Variants in TSPAN18 observed in about 807,000 individuals in gnomAD.
TSPAN18 encodes tetraspanin 18.
A neutral mutation model predicts 27.3 loss-of-function variants in TSPAN18; 14 were observed. The observed-to-expected ratio is 0.51, with a 90% confidence interval of 0.34 to 0.80. TSPAN18 has a LOEUF of 0.80. Among genes scored for constraint, TSPAN18 ranks in the 30% least tolerant of loss-of-function variants. The probability of loss-of-function intolerance (pLI) is 0.01; values close to 1 mark genes in which losing one functional copy is unlikely to be tolerated. For missense variants in TSPAN18, 268 were observed against 323.9 expected, an observed-to-expected ratio of 0.83 and a Z score of 1.32; for synonymous variants, 143 against 136.5, an observed-to-expected ratio of 1.05 and a Z score of -0.33.
At chr11:44,829,186 G>A (rs902491403) in intron 2 of TSPAN18, among the ~76,000 whole-genome samples, 9 of 152,212 alleles carry the variant, frequency 5.9e-5, no homozygotes, top group South Asian at 2.1e-4. Context: ...AATACATTGC[G>A]ATTAACTAAA....
intron 2 of TSPAN18, among the ~76,000 whole-genome samples, chr11:44,815,579 T>C (rs1856803801): frequency 6.6e-6 from 1 of 152,158 alleles, no homozygotes; most frequent in South Asian, 2.1e-4. Context: ...AACAATTATG[T>C]ATTGAGCACC....
intron 2 of TSPAN18, among the ~76,000 whole-genome samples, chr11:44,808,572 A>G (rs1415946047): frequency 6.6e-6 from 1 of 152,166 alleles, no homozygotes; most frequent in Non-Finnish European, 1.5e-5. Flanking sequence ...ATGTACAAAT[A>G]CATCCTCCAG....
intron 1 of TSPAN18, among the ~76,000 whole-genome samples, chr11:44,758,279 A>G (rs1855377242): frequency 6.6e-6 from 1 of 152,174 alleles, no homozygotes; most frequent in African/African-American, 2.4e-5. Flanking sequence ...TGAATTTGTC[A>G]AATGCTTTAT....
At chr11:44,858,687 TGGG>T (rs1480629458) in intron 2 of TSPAN18, among the ~76,000 whole-genome samples, 1 of 152,042 alleles carries the variant, frequency 6.6e-6, no homozygotes, top group Non-Finnish European at 1.5e-5. Flanking sequence ...GGGAGATAGA[TGGG>T]GGCCAAGGGG....
chr11:44,748,271 G>A (rs926581673), intron 1 of TSPAN18, among the ~76,000 whole-genome samples: 4 of 152,018 alleles, frequency 2.6e-5, no homozygotes, highest in African/African-American at 7.3e-5. Context: ...AGCTGGGCAC[G>A]CCTGTAATCC....
rs1384038010 is a variant in TSPAN18 at position 44,930,309 on chromosome 11, T to G, written c.*1131T>G. The G allele has an allele frequency of 1.3e-5, 2 of 153,212 alleles. No homozygotes were observed. Among genetic ancestry groups the G allele is most frequent in the Non-Finnish European group, 2.9e-5 (2 of 68,850 alleles). The allele number at this position is 153,212 out of a possible 1,614,324, so 9.5% of individuals were successfully genotyped here. On this transcript the variant is annotated 3_prime_UTR_variant, in exon 10 of 10. Transcript: ENST00000520358. ...CTCCAGGGACAGAGAGCTTACTACC[T>G]CCCAAGGCAGCCTCCTGCCTTTGGA...
At chr11:44,742,350 CTCCT>C (rs1245358989) in intron 1 of TSPAN18, among the ~76,000 whole-genome samples, 7 of 143,454 alleles carry the variant, frequency 4.9e-5, no homozygotes, top group Non-Finnish European at 9.4e-5. Flanking sequence ...TCCTCCCTCC[CTCCT>C]TCCTTCCTTA....
intron 2 of TSPAN18, among the ~76,000 whole-genome samples, chr11:44,848,586 G>A (rs1857532394): frequency 6.6e-6 from 1 of 152,224 alleles, no homozygotes. Context: ...CAGGAATTGG[G>A]AGTGAGGAGG....
rs1300079731 is a variant in TSPAN18, at chr11:44,857,065, G to A, written c.-152-3263G>A. Among the ~76,000 whole-genome samples the A allele has an allele frequency of 2.0e-5, 3 of 152,276 alleles. No homozygotes were observed. In the East Asian group the frequency reaches 5.8e-4, roughly 29 times the overall value. On this transcript the variant is annotated intron_variant, in intron 2 of 9. Coordinates refer to ENST00000520358, the MANE Select transcript of TSPAN18 (RefSeq NM_130783.5). ...GAAGAAAACGAGATACCCAGGGGCTGCACAACACTCTGTTTTTGAGCCTGA... is the reference window on the plus strand; with the variant it reads ...GAAGAAAACGAGATACCCAGGGGCTACACAACACTCTGTTTTTGAGCCTGA...
chr11:44,780,041 A>T (rs1386827728), intron 2 of TSPAN18, among the ~76,000 whole-genome samples: 2 of 152,150 alleles, frequency 1.3e-5, no homozygotes, highest in Non-Finnish European at 2.9e-5. Flanking sequence ...ACCTGTACAC[A>T]TTTACACATG....
intron 2 of TSPAN18, among the ~76,000 whole-genome samples, chr11:44,771,973 A>G (rs1443581652): frequency 1.3e-5 from 2 of 152,198 alleles, no homozygotes; most frequent in East Asian, 1.9e-4. Context: ...TGAGATCAGC[A>G]CTTTAAGTTT....
At chr11:44,731,728 C>T (rs1261472645) in intron 1 of TSPAN18, among the ~76,000 whole-genome samples, 4 of 151,830 alleles carry the variant, frequency 2.6e-5, no homozygotes, top group Non-Finnish European at 5.9e-5. Context: ...TTCTCTGCCT[C>T]ATTGAGGGAC....
intron 1 of TSPAN18, among the ~76,000 whole-genome samples, chr11:44,738,356 T>C (rs893416888): frequency 6.6e-6 from 1 of 152,198 alleles, no homozygotes; most frequent in Admixed American, 6.5e-5. Context: ...GGAGCCCACC[T>C]GGCTGGAGCC....
At chr11:44,846,641 C>G (rs962038908) in intron 2 of TSPAN18, among the ~76,000 whole-genome samples, 88 of 149,568 alleles carry the variant, frequency 5.9e-4, no homozygotes, top group African/African-American at 2.1e-3. Context: ...TCTGTGTGCA[C>G]CTGTGCTGGG....
At chr11:44,737,546 T>C (rs1457452471) in intron 1 of TSPAN18, among the ~76,000 whole-genome samples, 1 of 152,220 alleles carries the variant, frequency 6.6e-6, no homozygotes, top group African/African-American at 2.4e-5. Context: ...ATTCAATTTA[T>C]AGGCAAGTTA....
chr11:44,864,299 A>C (rs989526072), intron 3 of TSPAN18, among the ~76,000 whole-genome samples: 1 of 150,958 alleles, frequency 6.6e-6, no homozygotes, highest in South Asian at 2.1e-4. Context: ...AAAAAAAAAA[A>C]AAAAAAACTT....
At chr11:44,849,213 G>A (rs1166929988) in intron 2 of TSPAN18, among the ~76,000 whole-genome samples, 1 of 152,090 alleles carries the variant, frequency 6.6e-6, no homozygotes, top group Non-Finnish European at 1.5e-5. Context: ...CTCCTGTTGG[G>A]CGTTGAGTCC....
At chr11:44,754,554 G>A (rs1014224733) in intron 1 of TSPAN18, among the ~76,000 whole-genome samples, 8 of 152,196 alleles carry the variant, frequency 5.3e-5, no homozygotes, top group Non-Finnish European at 1.2e-4. Context: ...TGTAACCTTT[G>A]AAAGCCTGGT....
intron 2 of TSPAN18, among the ~76,000 whole-genome samples, chr11:44,850,800 C>T (rs1367249303): frequency 1.3e-5 from 2 of 152,122 alleles, no homozygotes; most frequent in South Asian, 4.1e-4. Flanking sequence ...TTGTCCCAGT[C>T]GGTGCCAGCT....
Sources: gnomAD v4.1 joint callset for allele counts (sites outside exome capture counted in the v4.1 genomes callset) on GRCh38, gnomAD v4.1.1 for gene constraint, MANE v1.5 for transcripts, NCBI Gene and HGNC (gene_info 2026-07-23, HGNC 2026-07-21) for gene names.